PDE1C: variants seen among roughly 807,000 people sequenced by gnomAD.
The protein encoded by PDE1C is phosphodiesterase 1C.
A neutral mutation model predicts 93.1 loss-of-function variants in PDE1C; 62 were observed. The ratio of observed to expected loss-of-function variants is 0.67; its 90% CI spans 0.54 to 0.82. The LOEUF (loss-of-function observed/expected upper bound fraction) is 0.82, where lower values mean the gene tolerates loss of function less well. Ranked by LOEUF, PDE1C falls within the 40% of genes least tolerant of loss-of-function variation. The probability of loss-of-function intolerance (pLI) is 0.00; values close to 1 mark genes in which losing one functional copy is unlikely to be tolerated. For synonymous variants in PDE1C, 325 were observed against 310.1 expected (o/e 1.05, Z -0.50); for missense variants, 742 against 884.6 (o/e 0.84, Z 2.04).
At chr7:32,258,648 A>G (rs1422072063) in intron 1 of PDE1C, among the ~76,000 whole-genome samples, 1 of 152,232 alleles carries the variant, frequency 6.6e-6, no homozygotes, top group Non-Finnish European at 1.5e-5. Flanking sequence ...CAAAACAGCC[A>G]GGCCAATGAA....
the PDE1C span, among the ~76,000 whole-genome samples, chr7:31,672,826 A>G: frequency 3.3e-5 from 5 of 152,306 alleles, no homozygotes; most frequent in African/African-American, 1.2e-4. Flanking sequence ...CTCATCTCAA[A>G]TTATAATTCC....
intron 1 of PDE1C, among the ~76,000 whole-genome samples, chr7:32,354,471 A>T (rs7458215): frequency 2.6e-5 from 4 of 152,100 alleles, no homozygotes; most frequent in Non-Finnish European, 4.4e-5. Flanking sequence ...ACACAAAAAA[A>T]TTTTTTAATA....
chr7:31,847,322 T>C (rs1015992947), intron 9 of PDE1C, among the ~76,000 whole-genome samples: 2 of 152,144 alleles, frequency 1.3e-5, no homozygotes, highest in African/African-American at 4.8e-5. Context: ...TGAGTCCATA[T>C]TCAAAACACA....
At chr7:32,361,041 AT>A (rs1270413513) in intron 1 of PDE1C, among the ~76,000 whole-genome samples, 1 of 152,170 alleles carries the variant, frequency 6.6e-6, no homozygotes, top group African/African-American at 2.4e-5. Context: ...AAAGGGGAGG[AT>A]GGGGAGCGAA....
At chr7:31,625,312 C>A in the PDE1C span, among the ~76,000 whole-genome samples, 2 of 151,916 alleles carry the variant, frequency 1.3e-5, no homozygotes, top group Non-Finnish European at 2.9e-5. Flanking sequence ...GCTATAAAGA[C>A]ACATGCACTC....
chr7:32,326,464 C>T (rs1191099129), intron 1 of PDE1C, among the ~76,000 whole-genome samples: 2 of 152,148 alleles, frequency 1.3e-5, no homozygotes, highest in Non-Finnish European at 2.9e-5. Context: ...GCTAAGGAGG[C>T]TGTACAGGGC....
rs945688248 is a variant in PDE1C, at chr7:31,965,563, A to G, written c.129-84703T>C. Among the ~76,000 whole-genome samples, 7 of 152,328 alleles carry G rather than the reference A, an allele frequency of 4.6e-5. No individual in the cohort carries two copies. In the East Asian group the frequency reaches 7.7e-4, roughly 17 times the overall value. On this transcript the variant is annotated intron_variant, in intron 2 of 17. Transcript: ENST00000396191. The stretch of plus-strand genomic sequence containing the variant: ...GATATTATCCAGGAGAACTTCCCCA[A>G]TCTAGCAAGGCAGGCCAACATCCAA...
intron 2 of PDE1C, among the ~76,000 whole-genome samples, chr7:31,992,427 A>ACTCATCATATGATCACTCATATGATCACT: frequency 6.6e-6 from 1 of 152,368 alleles, no homozygotes; most frequent in East Asian, 1.9e-4. Flanking sequence ...ATTTGTGATC[A>ACTCATCATATGATCACTCATATGATCACT]CATATGAGAC....
At chr7:31,760,086 A>T (rs796748891) in intron 17 of PDE1C, among the ~76,000 whole-genome samples, 1 of 152,316 alleles carries the variant, frequency 6.6e-6, no homozygotes, top group African/African-American at 2.4e-5. Context: ...GCTGTGTAAT[A>T]GGTGTGGTTG....
chr7:32,212,922 C>A (rs1397046292), intron 1 of PDE1C, among the ~76,000 whole-genome samples: 1 of 152,108 alleles, frequency 6.6e-6, no homozygotes, highest in Non-Finnish European at 1.5e-5. Context: ...GTGTGAGGCC[C>A]AAGAATTTAC....
chr7:32,316,347 A>G (rs895257496), intron 1 of PDE1C, among the ~76,000 whole-genome samples: 1 of 152,220 alleles, frequency 6.6e-6, no homozygotes, highest in Non-Finnish European at 1.5e-5. Context: ...AATAAACAAG[A>G]ACGCACATCT....
At chr7:31,953,049 C>T (rs964220426) in intron 2 of PDE1C, among the ~76,000 whole-genome samples, 2 of 152,118 alleles carry the variant, frequency 1.3e-5, no homozygotes, top group African/African-American at 4.8e-5. Context: ...TGCTTTTCCA[C>T]AGTAGGTGTT....
the PDE1C span, among the ~76,000 whole-genome samples, chr7:31,647,643 C>G: frequency 6.9e-6 from 1 of 144,102 alleles, no homozygotes; most frequent in Non-Finnish European, 1.5e-5. Context: ...CACTGCACTC[C>G]AGCCTGAGCA....
chr7:32,124,729 A>G (rs1230261194), intron 3 of PDE1C, among the ~76,000 whole-genome samples: 1 of 152,184 alleles, frequency 6.6e-6, no homozygotes, highest in Non-Finnish European at 1.5e-5. Context: ...TTAACTCAAG[A>G]TGGACTAAAG....
chr7:31,622,732 A>G, the PDE1C span, among the ~76,000 whole-genome samples: 5 of 152,080 alleles, frequency 3.3e-5, no homozygotes, highest in African/African-American at 7.2e-5. Context: ...TCAAAAGCTA[A>G]CAGAAGGCAA....
intron 1 of PDE1C, among the ~76,000 whole-genome samples, chr7:32,066,188 C>G (rs896316949): frequency 6.6e-6 from 1 of 152,104 alleles, no homozygotes; most frequent in Non-Finnish European, 1.5e-5. Flanking sequence ...TACTTGAAAC[C>G]AACTTTTATT....
At chr7:32,209,113 T>C (rs1805822366) in intron 2 of PDE1C, among the ~76,000 whole-genome samples, 1 of 152,230 alleles carries the variant, frequency 6.6e-6, no homozygotes, top group Non-Finnish European at 1.5e-5. Flanking sequence ...AACTCTAATG[T>C]GAACAGGCAT....
At chr7:32,032,238 C>T (rs897382271) in intron 2 of PDE1C, among the ~76,000 whole-genome samples, 1 of 152,106 alleles carries the variant, frequency 6.6e-6, no homozygotes, top group East Asian at 1.9e-4. Flanking sequence ...GAGGCTGCCT[C>T]AAAGGTTATT....
chr7:32,265,073 G>A (rs1052013460), intron 1 of PDE1C, among the ~76,000 whole-genome samples: 8 of 152,204 alleles, frequency 5.3e-5, no homozygotes, highest in African/African-American at 1.9e-4. Flanking sequence ...GGTTCAAGCA[G>A]TTAACAAAAC....
Sources: gnomAD v4.1 joint callset for allele counts (sites outside exome capture counted in the v4.1 genomes callset) on GRCh38, gnomAD v4.1.1 for gene constraint, MANE v1.5 for transcripts, NCBI Gene and HGNC (gene_info 2026-07-23, HGNC 2026-07-21) for gene names.